Variants in SAMSN1 observed in about 807,000 individuals in gnomAD.
The protein encoded by SAMSN1 is SAM domain, SH3 domain and nuclear localization signals 1.
Under a neutral mutation model 42.0 loss-of-function variants are expected in SAMSN1, and 31 were observed. That is an observed-to-expected ratio of 0.74 (90% CI 0.55 to 1.00). SAMSN1 has a LOEUF of 1.00. Ranked by LOEUF, SAMSN1 falls within the 50% of genes least tolerant of loss-of-function variation. SAMSN1 has a pLI of 0.00. For synonymous variants in SAMSN1, 178 were observed against 151.9 expected (o/e 1.17, Z -1.26); for missense variants, 464 against 439.4 (o/e 1.06, Z -0.50).
intron 6 of SAMSN1, among the ~76,000 whole-genome samples, chr21:14,597,768 A>G (rs1270935890): frequency 2.0e-5 from 3 of 152,152 alleles, no homozygotes; most frequent in Non-Finnish European, 4.4e-5. Context: ...GGCTCTATGC[A>G]TGTGCCTGTT....
chr21:14,605,341 C>T (rs184603468), intron 5 of SAMSN1, among the ~76,000 whole-genome samples: 3 of 152,300 alleles, frequency 2.0e-5, no homozygotes, highest in Non-Finnish European at 2.9e-5. Flanking sequence ...AGTGGGTACC[C>T]TTTCCTCAGG....
upstream of SAMSN1, chr21:14,583,608 T>G (rs1386686286): frequency 1.4e-6 from 1 of 710,332 alleles, no homozygotes; most frequent in East Asian, 2.7e-5. Flanking sequence ...TCCTTAGTTC[T>G]CCCTCAAAGG....
intron 2 of SAMSN1, among the ~76,000 whole-genome samples, chr21:14,623,037 G>A (rs989210270): frequency 2.0e-5 from 3 of 152,164 alleles, no homozygotes; most frequent in Non-Finnish European, 4.4e-5. Context: ...ATAAGTGAAG[G>A]AGAAATAAAA....
chr21:14,654,466 A>G (rs980713553), intron 1 of SAMSN1, among the ~76,000 whole-genome samples: 2 of 152,038 alleles, frequency 1.3e-5, no homozygotes, highest in Admixed American at 1.3e-4. Flanking sequence ...CCCAAAACAG[A>G]CAGCATTGGA....
intron 2 of SAMSN1, among the ~76,000 whole-genome samples, chr21:14,619,115 T>C (rs1982935186): frequency 6.6e-6 from 1 of 152,208 alleles, no homozygotes; most frequent in Non-Finnish European, 1.5e-5. Flanking sequence ...AGAGAAGATG[T>C]ACCTTAAAAG....
intron 2 of SAMSN1, among the ~76,000 whole-genome samples, chr21:14,627,713 T>C (rs1600972954): frequency 6.6e-6 from 1 of 152,140 alleles, no homozygotes; most frequent in East Asian, 1.9e-4. Flanking sequence ...ATGTACTAAA[T>C]TGAACTAAAA....
Position 14,644,240 on chromosome 21 carries a change from T to C in SAMSN1, c.25-1107A>G, listed in dbSNP as rs374572308. Reference sequence around the variant, plus strand: ...CCTGCCCCTAACCCTAGGCTGCATATCTTGAGGCTCCAAAAGAGACCCCTT... The same window carrying C: ...CCTGCCCCTAACCCTAGGCTGCATACCTTGAGGCTCCAAAAGAGACCCCTT... On this transcript the variant is annotated intron_variant, in intron 1 of 15. Coordinates refer to the SAMSN1 transcript ENST00000647101. Among the ~76,000 whole-genome samples, 25 of 152,070 alleles carry C rather than the reference T, an allele frequency of 1.6e-4. No homozygotes were observed. In the East Asian group the frequency reaches 4.5e-3, roughly 27 times the overall value.
intron 4 of SAMSN1, among the ~76,000 whole-genome samples, chr21:14,511,843 A>G (rs1360572726): frequency 6.6e-6 from 1 of 152,114 alleles, no homozygotes; most frequent in Non-Finnish European, 1.5e-5. Context: ...CCTTTTTGCC[A>G]CCTAATTGGT....
chr21:14,605,351 G>C (rs1982538524), intron 5 of SAMSN1, among the ~76,000 whole-genome samples: 1 of 152,156 alleles, frequency 6.6e-6, no homozygotes, highest in Admixed American at 6.5e-5. Context: ...CTTTCCTCAG[G>C]GAGTTTATTC....
intron 2 of SAMSN1, among the ~76,000 whole-genome samples, chr21:14,574,093 C>A (rs1181249501): frequency 2.0e-5 from 3 of 152,132 alleles, no homozygotes; most frequent in East Asian, 3.8e-4. Context: ...AGATTGATGT[C>A]CAGCTTTGGT....
intron 1 of SAMSN1, among the ~76,000 whole-genome samples, chr21:14,521,604 C>A (rs1480706010): frequency 1.3e-5 from 2 of 151,996 alleles, no homozygotes; most frequent in African/African-American, 2.4e-5. Flanking sequence ...ACCAACCAAC[C>A]AACAAACAAA....
chr21:14,630,253 G>A (rs1361684408), intron 2 of SAMSN1, among the ~76,000 whole-genome samples: 1 of 152,128 alleles, frequency 6.6e-6, no homozygotes, highest in East Asian at 1.9e-4. Flanking sequence ...CTGATGAACA[G>A]GAACTTTAAA....
At chr21:14,646,624 A>T (rs1983718824) in intron 1 of SAMSN1, among the ~76,000 whole-genome samples, 1 of 152,190 alleles carries the variant, frequency 6.6e-6, no homozygotes. Flanking sequence ...ACAGAATATT[A>T]TAACACTGTA....
rs11382147 is a variant in SAMSN1, at chr21:14,534,524, C to CTT, written c.57+11679_57+11680dup. Reference sequence around the variant, plus strand: ...TAGAAAGGAGGGAGAGACTTTTTTTCTTTTTTTTTTTGAGACGGAGTCTCG... The same window carrying CTT: ...TAGAAAGGAGGGAGAGACTTTTTTTCTTTTTTTTTTTTTGAGACGGAGTCTCG... On this transcript the variant is annotated intron_variant, in intron 1 of 7. Coordinates refer to ENST00000400566, the MANE Select transcript of SAMSN1 (RefSeq NM_022136.5). Among the ~76,000 whole-genome samples, 562 of 145,976 alleles carry CTT rather than the reference C, an allele frequency of 3.8e-3. 3 individuals are homozygous for CTT. Among genetic ancestry groups the CTT allele is most frequent in the African/African-American group, 0.011 (444 of 39,848 alleles).
intron 2 of SAMSN1, among the ~76,000 whole-genome samples, chr21:14,640,951 A>T (rs1031378425): frequency 1.4e-4 from 21 of 152,146 alleles, no homozygotes; most frequent in South Asian, 2.1e-4. Context: ...TGAAGTTTGA[A>T]AAAATTTTAG....
At chr21:14,542,338 T>C (rs1980098449) in intron 1 of SAMSN1, among the ~76,000 whole-genome samples, 1 of 152,220 alleles carries the variant, frequency 6.6e-6, no homozygotes. Flanking sequence ...TTCAAGGTAA[T>C]TGACCTTCCT....
intron 2 of SAMSN1, chr21:14,642,907 G>A: frequency 1.7e-6 from 1 of 597,234 alleles, no homozygotes; most frequent in East Asian, 2.8e-5. Context: ...TCTGAGAACA[G>A]TGAATTTTTG....
At chr21:14,500,408 C>T (rs1600864405) in intron 6 of SAMSN1, 121 bp downstream of exon 6, 1 of 772,652 alleles carries the variant, frequency 1.3e-6, no homozygotes, top group Non-Finnish European at 2.1e-6. Flanking sequence ...TCTAGGAAAA[C>T]AGGTTTTCCT....
chr21:14,503,973 C>G (rs913125089), intron 5 of SAMSN1, among the ~76,000 whole-genome samples: 1 of 152,138 alleles, frequency 6.6e-6, no homozygotes, highest in Admixed American at 6.5e-5. Flanking sequence ...GCCTGGTAGA[C>G]TAGTTGGGTG....
Sources: allele counts gnomAD v4.1 joint callset (sites outside exome capture counted in the v4.1 genomes callset), GRCh38; gene constraint gnomAD v4.1.1; transcripts MANE v1.5; gene names NCBI Gene and HGNC (gene_info 2026-07-23, HGNC 2026-07-21).